CACNA1E: variants seen among roughly 807,000 people sequenced by gnomAD.
The protein encoded by CACNA1E is voltage-dependent R-type calcium channel subunit alpha-1E.
In CACNA1E, 40 loss-of-function variants were observed where a neutral mutation model predicts 259.2. That is an observed-to-expected ratio of 0.15 (90% CI 0.12 to 0.20). CACNA1E has a LOEUF of 0.20. CACNA1E is among the 10% of genes least tolerant of loss of function. CACNA1E has a pLI of 1.00. For synonymous variants in CACNA1E, 1,104 were observed against 1,138.5 expected (o/e 0.97, Z 0.61); for missense variants, 1,874 against 3,040.1 (o/e 0.62, Z 9.02).
intron 29 of CACNA1E, among the ~76,000 whole-genome samples, 162 bp from the exon 30 acceptor site, chr1:181,756,763 G>A (rs1658122963): frequency 6.6e-6 from 1 of 152,210 alleles, no homozygotes; most frequent in African/African-American, 2.4e-5. Context: ...GAAGTGGATT[G>A]TTGATAGCAG....
At chr1:181,515,591 T>C (rs1666519245) in intron 3 of CACNA1E, among the ~76,000 whole-genome samples, 1 of 152,214 alleles carries the variant, frequency 6.6e-6, no homozygotes, top group African/African-American at 2.4e-5. Flanking sequence ...CTCTCTTGCA[T>C]TGGGAACAAC....
At chr1:181,633,252 C>A (rs1283805701) in intron 6 of CACNA1E, among the ~76,000 whole-genome samples, 4 of 152,062 alleles carry the variant, frequency 2.6e-5, no homozygotes, top group African/African-American at 9.7e-5. Context: ...GCCCTGAAAG[C>A]AGAACCTGAG....
chr1:181,505,665 C>T (rs905925941), intron 1 of CACNA1E, among the ~76,000 whole-genome samples: 2 of 151,982 alleles, frequency 1.3e-5, no homozygotes, highest in Non-Finnish European at 2.9e-5. Context: ...TGAGCCACCG[C>T]ACCTGGCCTT....
chr1:181,594,477 C>T (rs1057313558), intron 6 of CACNA1E, among the ~76,000 whole-genome samples: 2 of 152,232 alleles, frequency 1.3e-5, no homozygotes, highest in Non-Finnish European at 2.9e-5. Flanking sequence ...TGGCTTACTG[C>T]AACCTCCACC....
intron 7 of CACNA1E, among the ~76,000 whole-genome samples, chr1:181,664,230 A>G (rs776202535): frequency 9.9e-5 from 15 of 152,198 alleles, no homozygotes; most frequent in Non-Finnish European, 1.8e-4. Flanking sequence ...TGCTTCCCCT[A>G]TGGAGTGGGC....
intron 15 of CACNA1E, among the ~76,000 whole-genome samples, chr1:181,721,126 G>T (rs1654377661): frequency 6.6e-6 from 1 of 152,132 alleles, no homozygotes; most frequent in Admixed American, 6.5e-5. Flanking sequence ...TGAGTCTGAG[G>T]CATTCAGCCA....
chr1:181,737,728 C>A (rs1040578323), intron 23 of CACNA1E, 74 bp downstream of exon 23: 4 of 1,545,834 alleles, frequency 2.6e-6, no homozygotes, highest in South Asian at 1.2e-5. Context: ...TGGAGGTGAA[C>A]CGAGATGGTA....
chr1:181,583,443 T>G (rs1008312581), intron 6 of CACNA1E, among the ~76,000 whole-genome samples: 3 of 152,178 alleles, frequency 2.0e-5, no homozygotes, highest in East Asian at 3.9e-4. Context: ...TATTCAGTGG[T>G]GCAACGAACA....
At chr1:181,339,177 G>T (rs1383654216) in intron 1 of CACNA1E, among the ~76,000 whole-genome samples, 1 of 151,882 alleles carries the variant, frequency 6.6e-6, no homozygotes, top group East Asian at 1.9e-4. Context: ...TTTTAGAATT[G>T]TTTTTTTATT....
At chr1:181,793,933 T>C in intron 45 of CACNA1E, 140 bp downstream of exon 45, 1 of 903,956 alleles carries the variant, frequency 1.1e-6, no homozygotes, top group Non-Finnish European at 1.6e-6. Flanking sequence ...TCATGGGTCG[T>C]CTCTAATAGA....
At chr1:181,736,583 G>A in intron 22 of CACNA1E, 149 bp downstream of exon 22, 1 of 731,348 alleles carries the variant, frequency 1.4e-6, no homozygotes, top group South Asian at 2.0e-5. Context: ...GAGCATCTGG[G>A]GTGCCCCCTA....
intron 6 of CACNA1E, among the ~76,000 whole-genome samples, chr1:181,625,472 G>A (rs770468638): frequency 7.2e-5 from 11 of 152,114 alleles, no homozygotes; most frequent in Admixed American, 5.9e-4. Flanking sequence ...TGTAACTTCT[G>A]TATCTGCACT....
intron 6 of CACNA1E, among the ~76,000 whole-genome samples, chr1:181,621,166 G>A (rs897465707): frequency 3.3e-5 from 5 of 152,240 alleles, no homozygotes; most frequent in African/African-American, 1.2e-4. Context: ...TGTGTGGGCT[G>A]TTGCTATTCA....
chr1:181,795,787 T>TATATATATATATATA (rs1410248740), intron 46 of CACNA1E, among the ~76,000 whole-genome samples: 33 of 143,670 alleles, frequency 2.3e-4, no homozygotes, highest in South Asian at 4.7e-4. Context: ...TATATATATA[T>TATATATATATATATA]TAGTCTGGCT....
chr1:181,733,468 G>C lies in CACNA1E; in HGVS notation c.2980G>C (p.Gly994Arg), dbSNP rs148719824. The C allele has an allele frequency of 6.4e-7, 1 of 1,554,176 alleles. No homozygotes were observed. ...CAGTCTGATGGTGTCCAGAGGCTCCGGGCTGGCAGGAGGCCTTGATGAGGC... is the reference window on the plus strand; with the variant it reads ...CAGTCTGATGGTGTCCAGAGGCTCCCGGCTGGCAGGAGGCCTTGATGAGGC... ...TNSLMVSRGS[G>R]LAGGLDEADT... Residue 994 changes from glycine to arginine, a missense_variant, in exon 21 of 48, where the codon GGG (glycine) becomes CGG (arginine). By Grantham distance (125) the Gly-to-Arg change is moderately radical. This residue lies in a region of CACNA1E where 476 missense variants were observed against 514.0 expected (regional missense o/e 0.93). Coordinates refer to ENST00000367573, the MANE Select transcript of CACNA1E (RefSeq NM_001205293.3).
chr1:181,343,914 C>T (rs1254456332), intron 1 of CACNA1E, among the ~76,000 whole-genome samples: 1 of 152,210 alleles, frequency 6.6e-6, no homozygotes, highest in Non-Finnish European at 1.5e-5. Context: ...CTCCTCTCCC[C>T]TCCCTGGCTA....
intron 1 of CACNA1E, among the ~76,000 whole-genome samples, chr1:181,370,556 T>G (rs189348328): frequency 6.6e-6 from 1 of 152,214 alleles, no homozygotes; most frequent in Non-Finnish European, 1.5e-5. Flanking sequence ...CTACATTAAT[T>G]AGCTTAGGAT....
intron 1 of CACNA1E, among the ~76,000 whole-genome samples, chr1:181,335,259 A>AT (rs1651612196): frequency 6.6e-6 from 1 of 152,176 alleles, no homozygotes; most frequent in Non-Finnish European, 1.5e-5. Flanking sequence ...GTTGCAGACC[A>AT]TGTAGGGAAT....
chr1:181,383,121 G>C (rs541650399), intron 1 of CACNA1E, among the ~76,000 whole-genome samples: 62 of 152,208 alleles, frequency 4.1e-4, no homozygotes, highest in African/African-American at 1.4e-3. Flanking sequence ...CTTTCCCCCC[G>C]GGGCCGCATC....
Sources: gnomAD v4.1 joint callset for allele counts (sites outside exome capture counted in the v4.1 genomes callset) on GRCh38, gnomAD v4.1.1 for gene constraint, gnomAD v4.1.1 regional missense constraint, MANE v1.5 for transcripts, NCBI Gene and HGNC (gene_info 2026-07-23, HGNC 2026-07-21) for gene names.